The following TENM1 variants were observed in gnomAD, a reference collection of about 807,000 sequenced individuals.
The protein encoded by TENM1 is teneurin-1.
A neutral mutation model predicts 174.8 loss-of-function variants in TENM1; 35 were observed. That is an observed-to-expected ratio of 0.20 (90% CI 0.15 to 0.27). The LOEUF (loss-of-function observed/expected upper bound fraction) is 0.27. Ranked by LOEUF, TENM1 falls within the 10% of genes least tolerant of loss-of-function variation. The pLI is 1.00. For missense variants in TENM1, 1,633 were observed against 2,130.1 expected, an observed-to-expected ratio of 0.77 and a Z score of 4.59; for synonymous variants, 781 against 798.7, an observed-to-expected ratio of 0.98 and a Z score of 0.37.
chrX:125,199,410 G>A, the TENM1 span, among the ~76,000 whole-genome samples: 1 of 112,306 alleles, frequency 8.9e-6, no homozygotes, highest in South Asian at 3.6e-4. Flanking sequence ...TGTGAAAAGA[G>A]ATTTTTAACA....
Position 124,696,042 on chromosome X carries a change from A to G in TENM1, c.1015+8971T>C, listed in dbSNP as rs181056523. ...ACAGGCTGTGTTTTAGGCATGACAA[A>G]GAAAGGATCTATTTGTACCATCTGG... On this transcript the variant is annotated intron_variant, in intron 5 of 31. Transcript: ENST00000422452. Among the ~76,000 whole-genome samples, 4 of 112,256 alleles carry G rather than the reference A, an allele frequency of 3.6e-5. No individual in the cohort carries two copies. In the East Asian group the frequency reaches 1.1e-3, roughly 31 times the overall value.
the TENM1 span, among the ~76,000 whole-genome samples, chrX:125,158,231 C>T: frequency 3.7e-5 from 4 of 108,151 alleles, no homozygotes; most frequent in East Asian, 5.8e-4. Flanking sequence ...GGTGAAACCC[C>T]GTCTCTACTA....
the TENM1 span, among the ~76,000 whole-genome samples, chrX:125,149,903 C>A: frequency 1.8e-5 from 2 of 111,362 alleles, no homozygotes; most frequent in African/African-American, 6.5e-5. Flanking sequence ...TAGTATCTAC[C>A]CCTTCTAGGG....
At chrX:124,977,961 TGTGTGTGAGAGAGAGAGAGA>T in the TENM1 span, among the ~76,000 whole-genome samples, 53 of 54,470 alleles carry the variant, frequency 9.7e-4, no homozygotes, top group African/African-American at 3.5e-3. Context: ...TGTGTGTGTG[TGTGTGTGAGAGAGAGAGAGA>T]GAGAGAGAGA....
At chrX:124,685,084 G>A (rs2357119) in intron 5 of TENM1, among the ~76,000 whole-genome samples, 24,330 of 109,119 alleles carry the variant, frequency 0.22, 3,540 homozygotes, top group African/African-American at 0.53. Context: ...CAATGCCACA[G>A]GAATCATGAA....
chrX:124,435,504 A>T (rs1335209940), intron 23 of TENM1, among the ~76,000 whole-genome samples: 1 of 111,717 alleles, frequency 9.0e-6, no homozygotes. Context: ...AATTTTCACC[A>T]TGGAGATGTT....
chrX:125,187,440 G>T, the TENM1 span, among the ~76,000 whole-genome samples: 3 of 111,342 alleles, frequency 2.7e-5, no homozygotes, highest in Non-Finnish European at 5.7e-5. Context: ...GTATGTATAA[G>T]AATTTTTCAT....
chrX:124,972,848 T>A, the TENM1 span, among the ~76,000 whole-genome samples: 2 of 112,299 alleles, frequency 1.8e-5, no homozygotes, highest in African/African-American at 3.2e-5. Context: ...AGAGTTGAAC[T>A]GAAATTATTT....
the TENM1 span, among the ~76,000 whole-genome samples, chrX:125,033,772 TG>T: frequency 9.0e-6 from 1 of 110,924 alleles, no homozygotes; most frequent in Non-Finnish European, 1.9e-5. Flanking sequence ...CTTGCATACA[TG>T]GCAGAAGAAA....
intron 6 of TENM1, among the ~76,000 whole-genome samples, chrX:124,662,021 C>T (rs746292986): frequency 9.0e-6 from 1 of 111,113 alleles, no homozygotes; most frequent in African/African-American, 3.3e-5. Context: ...GTATGCCATC[C>T]AATTTGATGT....
exon 32 of TENM1, chrX:124,376,840 A>G (rs750831440): frequency 6.4e-5 from 7 of 109,407 alleles, no homozygotes; most frequent in Non-Finnish European, 1.3e-4. Flanking sequence ...AAGGCTGTGG[A>G]AGAGCTGAAG....
chrX:125,048,865 G>C, the TENM1 span, among the ~76,000 whole-genome samples: 1 of 111,027 alleles, frequency 9.0e-6, no homozygotes, highest in Non-Finnish European at 1.9e-5. Context: ...TCTAGTTCTT[G>C]GAGTTTTACC....
exon 19 of TENM1, chrX:124,503,597 C>A: frequency 8.3e-7 from 1 of 1,207,635 alleles, no homozygotes. Flanking sequence ...TATTCAAAGA[C>A]CAGCCTCCTA....
At chrX:124,839,306 T>G (rs1416707706) in intron 3 of TENM1, among the ~76,000 whole-genome samples, 1 of 111,681 alleles carries the variant, frequency 9.0e-6, no homozygotes, top group Non-Finnish European at 1.9e-5. Context: ...ACAAACTATA[T>G]CGACTTTAGG....
At chrX:124,581,666 A>C (rs2049315056) in intron 11 of TENM1, among the ~76,000 whole-genome samples, 1 of 111,059 alleles carries the variant, frequency 9.0e-6, no homozygotes, top group South Asian at 3.9e-4. Flanking sequence ...ACAGTGGATA[A>C]GTGTTCCTTT....
the TENM1 span, among the ~76,000 whole-genome samples, chrX:125,121,700 C>T: frequency 8.9e-6 from 1 of 111,810 alleles, no homozygotes; most frequent in Admixed American, 9.5e-5. Flanking sequence ...GAGGTTGACT[C>T]AGTTGTAAAC....
chrX:125,051,860 A>C, the TENM1 span, among the ~76,000 whole-genome samples: 1 of 105,208 alleles, frequency 9.5e-6, no homozygotes, highest in Non-Finnish European at 1.9e-5. Context: ...TAATTAAACT[A>C]AAGAGCTTCT....
At chrX:124,748,153 T>C (rs758313025) in intron 3 of TENM1, among the ~76,000 whole-genome samples, 13 of 111,197 alleles carry the variant, frequency 1.2e-4, no homozygotes, top group Middle Eastern at 4.3e-3. Context: ...CAGGAAGCCA[T>C]TGTCACTTAG....
intron 23 of TENM1, among the ~76,000 whole-genome samples, chrX:124,433,997 G>T (rs770764039): frequency 7.2e-5 from 8 of 111,771 alleles, no homozygotes; most frequent in Non-Finnish European, 1.5e-4. Flanking sequence ...TGGGGAGTCT[G>T]GGAATTCCCA....
Sources: allele counts gnomAD v4.1 joint callset (sites outside exome capture counted in the v4.1 genomes callset), GRCh38; gene constraint gnomAD v4.1.1; transcripts MANE v1.5; gene names NCBI Gene and HGNC (gene_info 2026-07-23, HGNC 2026-07-21).